NF1: variants seen among roughly 807,000 people sequenced by gnomAD.
NF1 encodes neurofibromin 1.
In NF1, 122 loss-of-function variants were observed where a neutral mutation model predicts 325.7. The ratio of observed to expected loss-of-function variants is 0.37; its 90% CI spans 0.32 to 0.44. The LOEUF (loss-of-function observed/expected upper bound fraction) is 0.44, where lower values mean the gene tolerates loss of function less well. Ranked by LOEUF, NF1 falls within the 20% of genes least tolerant of loss-of-function variation. The probability of loss-of-function intolerance (pLI) is 1.00; values close to 1 mark genes in which losing one functional copy is unlikely to be tolerated. For synonymous variants in NF1, 1,091 were observed against 1,186.0 expected (o/e 0.92, Z 1.65); for missense variants, 2,140 against 3,415.4 (o/e 0.63, Z 9.31).
chr17:31,168,903 ATTGT>A (rs2065888461), intron 4 of NF1, among the ~76,000 whole-genome samples: 1 of 152,154 alleles, frequency 6.6e-6, no homozygotes, highest in African/African-American at 2.4e-5. Context: ...TTATTTTAAA[ATTGT>A]GACTTCTATG....
rs1177373723 is a variant in NF1 at position 31,360,678 on chromosome 17, A to G, written c.8352A>G (p.Ser2784=). 1 of 1,613,940 alleles carries G rather than the reference A, an allele frequency of 6.2e-7. No individual in the cohort carries two copies. The highest frequency in any genetic ancestry group is 1.1e-5 in the South Asian group (1 of 91,074). Residue 2784 remains serine (S), a synonymous_variant, in exon 57 of 58, where the codon TCA becomes TCG. Coordinates refer to ENST00000358273, the MANE Select transcript of NF1 (RefSeq NM_001042492.3). ...ANLNLSNSMT[S]LATSQHSPGI... ...TTAACCTTTCTAATTCCATGACCTCACTTGCAACTTCCCAGCATTCCCCAG... is the reference window on the plus strand; with the variant it reads ...TTAACCTTTCTAATTCCATGACCTCGCTTGCAACTTCCCAGCATTCCCCAG...
At position 31,227,608 on chromosome 17, in the gene NF1, T is replaced by C. The variant is rs876660826; in HGVS notation, c.2409+2T>C. On this transcript the variant is annotated splice_donor_variant, in intron 20 of 57. Coordinates refer to ENST00000358273, the MANE Select transcript of NF1 (RefSeq NM_001042492.3). LOFTEE classifies it high-confidence loss of function. ...AAAGCCAAAATGGAAGATGGCCAGGTAAGTCTGTAAAGTTGACTTTTGTCT... is the reference window on the plus strand; with the variant it reads ...AAAGCCAAAATGGAAGATGGCCAGGCAAGTCTGTAAAGTTGACTTTTGTCT... The C allele has an allele frequency of 2.5e-6, 4 of 1,613,368 alleles. No individual in the cohort carries two copies. The Admixed American group carries it at 6.7e-5, about 27-fold the overall frequency.
intron 33 of NF1, 117 bp from the exon 34 acceptor site, chr17:31,260,252 A>G (rs1411734505): frequency 2.8e-6 from 3 of 1,074,132 alleles, no homozygotes; most frequent in Non-Finnish European, 4.2e-6. Flanking sequence ...TGTGTGAACA[A>G]GCCCTCCATA....
At chr17:31,319,394 G>C (rs1230608280) in intron 36 of NF1, among the ~76,000 whole-genome samples, 3 of 151,410 alleles carry the variant, frequency 2.0e-5, no homozygotes, top group Non-Finnish European at 4.4e-5. Context: ...AAAAATTAAG[G>C]ATCATTCTTA....
At chr17:31,261,555 T>C (rs1378501909) in intron 34 of NF1, among the ~76,000 whole-genome samples, 156 bp from the exon 35 acceptor site, 3 of 152,202 alleles carry the variant, frequency 2.0e-5, no homozygotes, top group Non-Finnish European at 2.9e-5. Flanking sequence ...TTATGAATTA[T>C]TAATGGATTG....
At chr17:31,318,530 T>G in intron 36 of NF1, 1 of 1,614,104 alleles carries the variant, frequency 6.2e-7, no homozygotes, top group Non-Finnish European at 8.5e-7. Flanking sequence ...GAAGAGACTT[T>G]GTTTGCCAAA....
intron 36 of NF1, chr17:31,273,742 T>C (rs998362530): frequency 6.6e-6 from 1 of 152,212 alleles, no homozygotes; most frequent in African/African-American, 2.4e-5. Flanking sequence ...ACTGAGTGTT[T>C]CCAGACAACT....
At chr17:31,155,804 A>C (rs911223034) in intron 1 of NF1, among the ~76,000 whole-genome samples, 179 bp from the exon 2 acceptor site, 5 of 152,222 alleles carry the variant, frequency 3.3e-5, no homozygotes, top group African/African-American at 7.2e-5. Flanking sequence ...ATGCAAATGT[A>C]CATATCTGTG....
intron 36 of NF1, among the ~76,000 whole-genome samples, chr17:31,316,796 G>A (rs1048683470): frequency 7.2e-5 from 11 of 152,072 alleles, no homozygotes; most frequent in African/African-American, 1.9e-4. Flanking sequence ...ATGATTTCTC[G>A]TTTAGAGAAT....
Position 31,252,923 on chromosome 17 carries a change from A to G in NF1, c.4111-15A>G, listed in dbSNP as rs759186412. On this transcript the variant is annotated splice_polypyrimidine_tract_variant and intron_variant, in intron 30 of 57. Coordinates refer to ENST00000358273, the MANE Select transcript of NF1 (RefSeq NM_001042492.3). ...TCGGTGCTGTGACTTGTTTGTGCTC[A>G]TCTCTGTTCTGTAGGCAACTTGCCA... 3 of 1,612,026 alleles carry G rather than the reference A, an allele frequency of 1.9e-6. No individual in the cohort carries two copies. The highest frequency in any genetic ancestry group is 1.7e-4 in the Middle Eastern group (1 of 6,050).
chr17:31,138,391 G>A (rs1178057162), intron 1 of NF1: 2 of 152,036 alleles, frequency 1.3e-5, no homozygotes, highest in African/African-American at 4.8e-5. Flanking sequence ...AGCCTCCTGA[G>A]TAGCTAGGAT....
chr17:31,135,149 TA>T (rs1915670965), intron 1 of NF1, among the ~76,000 whole-genome samples: 1 of 152,238 alleles, frequency 6.6e-6, no homozygotes, highest in Non-Finnish European at 1.5e-5. Context: ...TGCTAGATCT[TA>T]CTACTGAGAA....
chr17:31,176,985 C>T (rs929031828), intron 5 of NF1, among the ~76,000 whole-genome samples: 1 of 152,084 alleles, frequency 6.6e-6, no homozygotes. Context: ...CGTGGTTATG[C>T]GGGCTCTTTT....
At chr17:31,170,873 A>G (rs1376060490) in intron 5 of NF1, among the ~76,000 whole-genome samples, 4 of 152,116 alleles carry the variant, frequency 2.6e-5, no homozygotes, top group Non-Finnish European at 5.9e-5. Context: ...GCATTATTAG[A>G]CCCTGGCTAA....
chr17:31,193,383 G>T (rs188648580), intron 8 of NF1, among the ~76,000 whole-genome samples: 1 of 152,104 alleles, frequency 6.6e-6, no homozygotes, highest in Non-Finnish European at 1.5e-5. Context: ...TGTTGCCCAG[G>T]CTGGTCTCAA....
rs2151601920 is a variant in NF1, at chr17:31,374,234, C to T, written c.*79C>T. ...ACCCCTTCCCTGTCCTTGCCCTTTC[C>T]CCCCATGTTGTAATGCTGCACTTCC... is the stretch of plus-strand genomic sequence containing the variant. On this transcript the variant is annotated 3_prime_UTR_variant, in exon 58 of 58. Coordinates refer to ENST00000358273, the MANE Select transcript of NF1 (RefSeq NM_001042492.3). 1.9e-6 allele frequency: 3 copies of T among 1,582,440 alleles called. No individual in the cohort carries two copies. Among genetic ancestry groups the T allele is most frequent in the Non-Finnish European group, 2.6e-6 (3 of 1,153,074 alleles).
At chr17:31,335,200 A>G (rs1314415642) in intron 40 of NF1, among the ~76,000 whole-genome samples, 169 bp downstream of exon 40, 1 of 115,530 alleles carries the variant, frequency 8.7e-6, no homozygotes, top group Non-Finnish European at 1.8e-5. Flanking sequence ...TCTGGTTCAA[A>G]ATTGTAAATG....
At chr17:31,148,238 A>G (rs925795403) in intron 1 of NF1, among the ~76,000 whole-genome samples, 3 of 152,200 alleles carry the variant, frequency 2.0e-5, no homozygotes, top group African/African-American at 7.2e-5. Flanking sequence ...AAATATATTT[A>G]ATATGTTTCA....
At chr17:31,169,771 C>A in intron 4 of NF1, 120 bp from the exon 5 acceptor site, 2 of 683,734 alleles carry the variant, frequency 2.9e-6, no homozygotes, top group Non-Finnish European at 5.3e-6. Flanking sequence ...GTCTTGAACT[C>A]CTGGCCTCAA....
Sources: gnomAD v4.1 joint callset for allele counts (sites outside exome capture counted in the v4.1 genomes callset) on GRCh38, gnomAD v4.1.1 for gene constraint, MANE v1.5 for transcripts, NCBI Gene and HGNC (gene_info 2026-07-23, HGNC 2026-07-21) for gene names.